HERC2: variants seen among roughly 807,000 people sequenced by gnomAD.
HERC2 encodes the protein HECT and RLD domain containing E3 ubiquitin protein ligase 2.
Under a neutral mutation model 537.7 loss-of-function variants are expected in HERC2, and 102 were observed. That is an observed-to-expected ratio of 0.19 (90% CI 0.16 to 0.22). HERC2 has a LOEUF of 0.22. Among genes scored for constraint, HERC2 ranks in the 10% least tolerant of loss-of-function variants. HERC2 has a pLI of 1.00. For missense variants in HERC2, 4,236 were observed against 6,198.2 expected (o/e 0.68, Z 10.63); for synonymous variants, 2,224 against 2,466.2 (o/e 0.90, Z 2.91).
At chr15:28,314,136 T>C (rs1168807315) in intron 2 of HERC2, among the ~76,000 whole-genome samples, 3 of 152,186 alleles carry the variant, frequency 2.0e-5, no homozygotes, top group Non-Finnish European at 4.4e-5. Flanking sequence ...CCTCGACTTA[T>C]TGCTACAATA....
Position 28,257,096 on chromosome 15 carries a change from C to T in HERC2, c.2482G>A (p.Val828Met). 6.2e-7 allele frequency: 1 copy of T among 1,613,888 alleles called. No homozygotes were observed. The highest frequency in any genetic ancestry group is 8.5e-7 in the Non-Finnish European group (1 of 1,179,832). Residue 828 changes from valine to methionine, a missense_variant, in exon 17 of 93, where the codon GTG (valine) becomes ATG (methionine). Val to Met is a conservative substitution (Grantham distance 21). Around this residue, in one of 27 missense-constraint regions of HERC2, gnomAD observed 754 missense variants for 1,085.0 expected, o/e 0.69. Coordinates refer to ENST00000261609, the MANE Select transcript of HERC2 (RefSeq NM_004667.6). Reference sequence around the variant, plus strand: ...AGAAGATTCAGCGTTGCCACGGCCACACACTCTTTCTCCTGGGGCGGGGGC... The same window carrying T: ...AGAAGATTCAGCGTTGCCACGGCCATACACTCTTTCTCCTGGGGCGGGGGC... ...DWPPPQEKEC[V>M]AVATLNLLRL...
At chr15:28,147,436 C>T (rs1484262737) in intron 70 of HERC2, among the ~76,000 whole-genome samples, 1 of 151,666 alleles carries the variant, frequency 6.6e-6, no homozygotes, top group African/African-American at 2.4e-5. Context: ...AAAGACAGGC[C>T]TGGACAACAG....
At chr15:28,261,979 T>C (rs1220314964) in intron 15 of HERC2, among the ~76,000 whole-genome samples, 1 of 149,688 alleles carries the variant, frequency 6.7e-6, no homozygotes, top group African/African-American at 2.4e-5. Flanking sequence ...AAGGCCTGCT[T>C]CTGTGAAGAC....
At chr15:28,163,035 G>C in intron 69 of HERC2, 59 bp downstream of exon 69, 1 of 1,410,144 alleles carries the variant, frequency 7.1e-7, no homozygotes, top group Non-Finnish European at 9.8e-7. Flanking sequence ...CTTTGGAGAG[G>C]AGGGTGGCCC....
intron 65 of HERC2, among the ~76,000 whole-genome samples, chr15:28,171,207 G>A (rs1433870377): frequency 1.3e-5 from 2 of 152,160 alleles, no homozygotes; most frequent in Admixed American, 6.5e-5. Flanking sequence ...AGTTTTATTT[G>A]TAATAGTCAA....
At chr15:28,168,675 C>T in intron 66 of HERC2, 85 bp from the exon 67 acceptor site, 1 of 1,269,080 alleles carries the variant, frequency 7.9e-7, no homozygotes, top group Non-Finnish European at 1.1e-6. Context: ...CTAGCACGCA[C>T]TGAGGCGTTT....
rs1333748127 is a variant in HERC2, at chr15:28,176,227, A to G, written c.9686+201T>C. Among the ~76,000 whole-genome samples, 1 of 152,232 alleles carries G rather than the reference A, an allele frequency of 6.6e-6. No individual in the cohort carries two copies. The highest frequency in any genetic ancestry group is 1.9e-4 in the East Asian group (1 of 5,200). On this transcript the variant is annotated intron_variant, in intron 63 of 92. Coordinates refer to ENST00000261609, the MANE Select transcript of HERC2 (RefSeq NM_004667.6). This position sits in a 1 kb window ranked among gnomAD's most constrained non-coding sequence, Gnocchi z 5.0. ...CCTAAAATTTTTCTAGTATTTTCAA[A>G]ATGACCCAGTTACAATGGGAAATTT... is the stretch of plus-strand genomic sequence containing the variant.
At chr15:28,170,446 C>T (rs1197025546) in intron 65 of HERC2, among the ~76,000 whole-genome samples, 1 of 152,210 alleles carries the variant, frequency 6.6e-6, no homozygotes, top group Non-Finnish European at 1.5e-5. Context: ...GGTGGTGGAG[C>T]AACTGGACGT....
Position 28,167,673 on chromosome 15 carries a change from G to A in HERC2, c.10554+14C>T. 6.2e-7 allele frequency: 1 copy of A among 1,613,300 alleles called. No homozygotes were observed. The highest frequency in any genetic ancestry group is 1.1e-5 in the South Asian group (1 of 91,026). On this transcript the variant is annotated intron_variant, in intron 68 of 92. Transcript: ENST00000261609. Reference sequence around the variant, plus strand: ...TATTTCACAATACAAAGTTAAAGAAGAACGCCTCTTCACCTCTTTGGTTTT... The same window carrying A: ...TATTTCACAATACAAAGTTAAAGAAAAACGCCTCTTCACCTCTTTGGTTTT...
At chr15:28,262,882 T>C (rs916911736) in intron 15 of HERC2, 36 bp downstream of exon 15, 2 of 1,598,284 alleles carry the variant, frequency 1.3e-6, no homozygotes, top group Non-Finnish European at 1.7e-6. Context: ...AAAGAAACTG[T>C]CCTGAAGGGT....
chr15:28,260,741 C>A, intron 16 of HERC2, 36 bp downstream of exon 16: 2 of 1,580,234 alleles, frequency 1.3e-6, no homozygotes, highest in Non-Finnish European at 1.7e-6. Flanking sequence ...AAACCAAAAT[C>A]CTCCAAAATA....
At chr15:28,266,965 G>GAATTCC (rs2075585889) in intron 12 of HERC2, among the ~76,000 whole-genome samples, 1 of 152,316 alleles carries the variant, frequency 6.6e-6, no homozygotes, top group African/African-American at 2.4e-5. Flanking sequence ...AATGTGGATG[G>GAATTCC]AATGAAGCCA....
chr15:28,214,008 C>T (rs190369651), intron 41 of HERC2, 36 bp from the exon 42 acceptor site: 27 of 1,610,256 alleles, frequency 1.7e-5, no homozygotes, highest in Non-Finnish European at 2.3e-5. Flanking sequence ...GACAGAGACA[C>T]TCACGGAGCT....
chr15:28,212,221 T>C (rs1197210038), intron 43 of HERC2, among the ~76,000 whole-genome samples: 1 of 152,158 alleles, frequency 6.6e-6, no homozygotes, highest in East Asian at 1.9e-4. Context: ...GTGTGAGCCA[T>C]GGGGTTCTTC....
Position 28,111,388 on chromosome 15 carries a change from C to T in HERC2, c.*375G>A, listed in dbSNP as rs977687845. The T allele has an allele frequency of 1.4e-5, 3 of 222,128 alleles. No individual in the cohort carries two copies. The highest frequency in any genetic ancestry group is 2.3e-5 in the African/African-American group (1 of 42,794). 13.8% of individuals were successfully genotyped at this position (222,128 alleles called of 1,614,324 possible). A position where few individuals can be genotyped will look rare whatever the true frequency, so the allele number is the denominator to read the frequency against. ...TCCAATATACAATCAAGACGACTCA[C>T]GACACTTGAAAGAAAGGAGAAAGAA... On this transcript the variant is annotated 3_prime_UTR_variant, in exon 93 of 93. Coordinates refer to ENST00000261609, the MANE Select transcript of HERC2 (RefSeq NM_004667.6).
At position 28,262,200 on chromosome 15, in the gene HERC2, C is replaced by A. The variant is rs895548291; in HGVS notation, c.2122+718G>T. The stretch of plus-strand genomic sequence containing the variant: ...TGAAGACTATCTCCCAACCACTAGG[C>A]CAGGTGGTACGGAAAAGTCCTGTTT... On this transcript the variant is annotated intron_variant, in intron 15 of 92. Coordinates refer to ENST00000261609, the MANE Select transcript of HERC2 (RefSeq NM_004667.6). Among the ~76,000 whole-genome samples, 8 of 152,178 alleles carry A rather than the reference C, an allele frequency of 5.3e-5. No homozygotes were observed. The South Asian group carries it at 1.7e-3, about 32-fold the overall frequency.
rs780216753 is a variant in HERC2 at position 28,176,633 on chromosome 15, C to T, written c.9515-34G>A. On this transcript the variant is annotated intron_variant, in intron 62 of 92. Transcript: ENST00000261609. The surrounding 1 kb of genome is among the most constrained non-coding windows in gnomAD (Gnocchi z 5.0). ...AAGAAACACATATACTTCAGGCCAG[C>T]GTTTCATATCATTCCTACCCACCCA... 4.3e-6 allele frequency: 7 copies of T among 1,613,714 alleles called. No individual in the cohort carries two copies. In the South Asian group the frequency reaches 4.4e-5, roughly 10 times the overall value.
intron 22 of HERC2, 28 bp downstream of exon 22, chr15:28,246,714 A>G (rs1903745696): frequency 6.5e-7 from 1 of 1,529,874 alleles, no homozygotes; most frequent in African/African-American, 1.4e-5. Flanking sequence ...TAAAATAAAC[A>G]TGTACACAAG....
At chr15:28,169,140 TC>T (rs1175382890) in intron 66 of HERC2, among the ~76,000 whole-genome samples, 6 of 152,368 alleles carry the variant, frequency 3.9e-5, no homozygotes, top group South Asian at 2.1e-4. Flanking sequence ...AACTCAGCCT[TC>T]TCAAGTGAGC....
Sources: gnomAD v4.1 joint callset for allele counts (sites outside exome capture counted in the v4.1 genomes callset) on GRCh38, gnomAD v4.1.1 for gene constraint, gnomAD v4.1.1 regional missense constraint, Gnocchi (gnomAD v3.1) non-coding constraint, MANE v1.5 for transcripts, NCBI Gene and HGNC (gene_info 2026-07-23, HGNC 2026-07-21) for gene names.